Variants in CNTN5 observed in about 807,000 individuals in gnomAD.
CNTN5 encodes contactin-5.
Under a neutral mutation model 129.1 loss-of-function variants are expected in CNTN5, and 77 were observed. The observed-to-expected ratio is 0.60, with a 90% CI of 0.50 to 0.72. The LOEUF (loss-of-function observed/expected upper bound fraction) is 0.72, where lower values mean the gene tolerates loss of function less well. Among genes scored for constraint, CNTN5 ranks in the 30% least tolerant of loss-of-function variants. The pLI, the probability that CNTN5 is intolerant of heterozygous loss-of-function variation, is 0.00. For synonymous variants in CNTN5, 509 were observed against 465.6 expected, an observed-to-expected ratio of 1.09 and a Z score of -1.20; for missense variants, 1,478 against 1,328.8, an observed-to-expected ratio of 1.11 and a Z score of -1.75.
At chr11:100,171,466 A>C (rs1947823904) in intron 13 of CNTN5, among the ~76,000 whole-genome samples, 2 of 152,044 alleles carry the variant, frequency 1.3e-5, no homozygotes, top group Admixed American at 1.3e-4. Flanking sequence ...CTTTTTAGTC[A>C]GCATTAAGAA....
Position 99,792,573 on chromosome 11 carries a change from G to GTGTGTGTGTGTGTCTGTC in CNTN5, c.56-26968_56-26967insGTGTGTGTGTCTGTCTGT, listed in dbSNP as rs34622017. On this transcript the variant is annotated intron_variant, in intron 3 of 24. Transcript: ENST00000524871. ...TGTGTGTGTGTGTGTGTGTGTGTGT[G>GTGTGTGTGTGTGTCTGTC]TGTCTGTCTGTCTGTCTGTCTGTCT... Among the ~76,000 whole-genome samples, 269 of 116,674 alleles carry GTGTGTGTGTGTGTCTGTC rather than the reference G, an allele frequency of 2.3e-3. 4 individuals carry two copies. Among genetic ancestry groups the GTGTGTGTGTGTGTCTGTC allele is most frequent in the African/African-American group, 9.3e-3 (253 of 27,258 alleles). The allele number at this position is 116,674 out of a possible 152,430, so 76.5% of individuals were successfully genotyped here.
chr11:99,739,272 A>G (rs1943815740), intron 3 of CNTN5, among the ~76,000 whole-genome samples: 1 of 152,162 alleles, frequency 6.6e-6, no homozygotes, highest in Non-Finnish European at 1.5e-5. Flanking sequence ...AAATATGGGT[A>G]GTTCCTTTAT....
intron 3 of CNTN5, among the ~76,000 whole-genome samples, chr11:99,771,092 A>G (rs990612581): frequency 1.3e-5 from 2 of 152,208 alleles, no homozygotes; most frequent in South Asian, 2.1e-4. Context: ...GGACTTTCAC[A>G]TACAGAATAT....
chr11:99,201,313 T>C (rs11218791), intron 1 of CNTN5, among the ~76,000 whole-genome samples: 94,011 of 147,184 alleles, frequency 0.64, 30,574 homozygotes, highest in East Asian at 0.95. Flanking sequence ...CGTGAGCCAC[T>C]GCGCCTGGCC....
At chr11:99,640,727 A>G (rs917789083) in intron 3 of CNTN5, among the ~76,000 whole-genome samples, 5 of 152,222 alleles carry the variant, frequency 3.3e-5, no homozygotes, top group African/African-American at 1.2e-4. Flanking sequence ...TACCATACCT[A>G]TAGTCTAAGT....
chr11:100,013,135 T>C lies in CNTN5; in HGVS notation c.980+10999T>C, dbSNP rs142171182. Reference sequence around the variant, plus strand: ...TCACTTACAAATGGGAGCCAAATAATGTGTACACATGGGCATATGCTGTGG... The same window carrying C: ...TCACTTACAAATGGGAGCCAAATAACGTGTACACATGGGCATATGCTGTGG... On this transcript the variant is annotated intron_variant, in intron 9 of 24. Coordinates refer to ENST00000524871, the MANE Select transcript of CNTN5 (RefSeq NM_014361.4). 6.6e-5 allele frequency among the ~76,000 whole-genome samples: 10 copies of C among 152,200 alleles called. No individual in the cohort carries two copies. The South Asian group carries it at 1.4e-3, about 22-fold the overall frequency.
chr11:100,042,040 AC>A (rs1179466492), intron 9 of CNTN5, among the ~76,000 whole-genome samples: 2 of 152,196 alleles, frequency 1.3e-5, no homozygotes, highest in African/African-American at 4.8e-5. Flanking sequence ...GGAGACTGCG[AC>A]AATGTGGTCC....
chr11:99,342,948 A>G (rs1866590157), intron 2 of CNTN5, among the ~76,000 whole-genome samples: 1 of 152,320 alleles, frequency 6.6e-6, no homozygotes, highest in East Asian at 1.9e-4. Context: ...AGATTAAAAA[A>G]AACTGAGATA....
At chr11:99,654,737 AAAAC>A (rs1952286537) in intron 3 of CNTN5, among the ~76,000 whole-genome samples, 1 of 152,124 alleles carries the variant, frequency 6.6e-6, no homozygotes, top group Non-Finnish European at 1.5e-5. Flanking sequence ...CGTTTAGACT[AAAAC>A]AAATTAAATC....
At chr11:99,805,394 A>T (rs1259409522) in intron 3 of CNTN5, among the ~76,000 whole-genome samples, 1 of 152,208 alleles carries the variant, frequency 6.6e-6, no homozygotes, top group African/African-American at 2.4e-5. Context: ...ATTTTTACAG[A>T]AAACCGAAAC....
At chr11:99,869,391 T>C (rs1948442054) in intron 6 of CNTN5, among the ~76,000 whole-genome samples, 1 of 152,176 alleles carries the variant, frequency 6.6e-6, no homozygotes, top group Admixed American at 6.5e-5. Flanking sequence ...TAGATAAATA[T>C]ATATAAAATT....
Position 99,404,650 on chromosome 11 carries a change from G to A in CNTN5, c.-71+79166G>A, listed in dbSNP as rs536274587. ...AAAACAAGGCTAGTAAAGACTGTAT[G>A]CCTTAACTTCATCCTTGTGCTTTTT... On this transcript the variant is annotated intron_variant, in intron 2 of 24. Coordinates refer to ENST00000524871, the MANE Select transcript of CNTN5 (RefSeq NM_014361.4). Among the ~76,000 whole-genome samples, 66 of 152,172 alleles carry A rather than the reference G, an allele frequency of 4.3e-4. 1 individual carries two copies. The highest frequency in any genetic ancestry group is 1.4e-3 in the African/African-American group (60 of 41,546).
Position 100,344,381 on chromosome 11 carries a change from G to T in CNTN5, c.3030+3176G>T, listed in dbSNP as rs895967105. Among the ~76,000 whole-genome samples the T allele has an allele frequency of 1.2e-4, 18 of 152,208 alleles. No individual in the cohort carries two copies. In the South Asian group the frequency reaches 2.9e-3, roughly 25 times the overall value. ...TCAGTGCATAAATAATGTAATAAAT[G>T]ATTCTTTTGTATAGTTAAGCTGCTA... On this transcript the variant is annotated intron_variant, in intron 23 of 24. Coordinates refer to ENST00000524871, the MANE Select transcript of CNTN5 (RefSeq NM_014361.4).
chr11:99,846,604 G>A (rs971153055), intron 6 of CNTN5, among the ~76,000 whole-genome samples: 38 of 151,894 alleles, frequency 2.5e-4, no homozygotes, highest in Non-Finnish European at 5.3e-4. Context: ...AAGTGTAATT[G>A]TAGTGGCTAC....
At chr11:99,751,252 G>T (rs1235256579) in intron 3 of CNTN5, among the ~76,000 whole-genome samples, 3 of 152,194 alleles carry the variant, frequency 2.0e-5, no homozygotes, top group Admixed American at 6.5e-5. Flanking sequence ...CAAGAGAATT[G>T]CTTGAACTTG....
intron 13 of CNTN5, among the ~76,000 whole-genome samples, chr11:100,141,302 C>G (rs1463060533): frequency 2.0e-5 from 3 of 152,010 alleles, no homozygotes; most frequent in African/African-American, 7.2e-5. Context: ...TAGCCCAATC[C>G]TGAGGGTTCC....
chr11:99,763,885 GA>G (rs1222784049), intron 3 of CNTN5, among the ~76,000 whole-genome samples: 1 of 152,006 alleles, frequency 6.6e-6, no homozygotes, highest in African/African-American at 2.4e-5. Flanking sequence ...AAAATAGAAT[GA>G]GAATGTTAGT....
At chr11:100,265,096 T>C (rs536463819) in intron 17 of CNTN5, among the ~76,000 whole-genome samples, 1 of 152,214 alleles carries the variant, frequency 6.6e-6, no homozygotes, top group Non-Finnish European at 1.5e-5. Context: ...TCAGAGTTCT[T>C]TTTTAATTCA....
chr11:99,071,940 G>A (rs1331074770), intron 1 of CNTN5, among the ~76,000 whole-genome samples: 1 of 134,718 alleles, frequency 7.4e-6, no homozygotes, highest in African/African-American at 2.8e-5. Flanking sequence ...CTATTCACTG[G>A]TGAATACAAT....
Sources: allele counts gnomAD v4.1 joint callset (sites outside exome capture counted in the v4.1 genomes callset), GRCh38; gene constraint gnomAD v4.1.1; transcripts MANE v1.5; gene names NCBI Gene and HGNC (gene_info 2026-07-23, HGNC 2026-07-21).